Variants in ZNF423 observed in about 807,000 individuals in gnomAD.
The protein encoded by ZNF423 is Ebf-associated zinc finger protein.
Under a neutral mutation model 95.8 loss-of-function variants are expected in ZNF423, and 12 were observed. The ratio of observed to expected loss-of-function variants is 0.13; its 90% CI spans 0.08 to 0.20. The LOEUF (loss-of-function observed/expected upper bound fraction) is 0.20. Ranked by LOEUF, ZNF423 falls within the 10% of genes least tolerant of loss-of-function variation. The pLI is 1.00. For missense variants in ZNF423, 1,316 were observed against 1,737.1 expected (o/e 0.76, Z 4.31); for synonymous variants, 749 against 711.9 (o/e 1.05, Z -0.83).
At chr16:49,606,851 G>A (rs773377196) in intron 5 of ZNF423, among the ~76,000 whole-genome samples, 1 of 152,046 alleles carries the variant, frequency 6.6e-6, no homozygotes, top group Non-Finnish European at 1.5e-5. Flanking sequence ...CCAAGTCTCC[G>A]AGCAGAGAAG....
upstream of ZNF423, among the ~76,000 whole-genome samples, chr16:49,859,165 C>T (rs1022169278): frequency 1.1e-4 from 17 of 152,060 alleles, no homozygotes; most frequent in African/African-American, 3.6e-4. Context: ...TGGAGTCCCA[C>T]GGGGCTGCCC....
intron 3 of ZNF423, among the ~76,000 whole-genome samples, chr16:49,651,955 T>A (rs561997234): frequency 6.6e-6 from 1 of 152,258 alleles, no homozygotes; most frequent in South Asian, 2.1e-4. Context: ...CTGCCAAAAT[T>A]CTCAGAGGGC....
rs189935938 is a variant in ZNF423, at chr16:49,510,515, C to A, written c.3849+13109G>T. On this transcript the variant is annotated intron_variant, in intron 7 of 7. Transcript: ENST00000563137. Reference sequence around the variant, plus strand: ...CCGTGAGTAGCTTCTTACGACCTCACATGAGTGTGTCTCCTTGTTGTAAAT... The same window carrying A: ...CCGTGAGTAGCTTCTTACGACCTCAAATGAGTGTGTCTCCTTGTTGTAAAT... Among the ~76,000 whole-genome samples, 477 of 152,328 alleles carry A rather than the reference C, an allele frequency of 3.1e-3. 2 individuals are homozygous for A. Among genetic ancestry groups the A allele is most frequent in the South Asian group, 0.015 (72 of 4,830 alleles).
At chr16:49,769,029 T>C (rs992583797) in intron 2 of ZNF423, among the ~76,000 whole-genome samples, 3 of 152,176 alleles carry the variant, frequency 2.0e-5, no homozygotes, top group African/African-American at 7.2e-5. Flanking sequence ...CCTTTTCTCA[T>C]GCCCAACATC....
chr16:49,590,883 G>C (rs1970993330), intron 5 of ZNF423, among the ~76,000 whole-genome samples: 1 of 152,230 alleles, frequency 6.6e-6, no homozygotes, highest in South Asian at 2.1e-4. Context: ...CTCCAGAGAA[G>C]GAGGGGAAAG....
upstream of ZNF423, among the ~76,000 whole-genome samples, chr16:49,856,917 A>AGGCGGC (rs71138012): frequency 5.4e-4 from 78 of 144,994 alleles, no homozygotes; most frequent in African/African-American, 1.7e-3. Context: ...GAGGACGAGC[A>AGGCGGC]GGCGGCGGCG....
chr16:49,804,891 C>CT (rs754687457), intron 1 of ZNF423, among the ~76,000 whole-genome samples: 18,747 of 96,098 alleles, frequency 0.2, 2,337 homozygotes, highest in East Asian at 0.28. Context: ...GATCCCACAG[C>CT]TTTTTTTTTT....
At chr16:49,512,219 T>G (rs1967928072) in intron 7 of ZNF423, among the ~76,000 whole-genome samples, 1 of 152,148 alleles carries the variant, frequency 6.6e-6, no homozygotes, top group Non-Finnish European at 1.5e-5. Flanking sequence ...TAGTAAACAC[T>G]TGCAGGCTAG....
chr16:49,567,847 C>G (rs1970239996), intron 5 of ZNF423, among the ~76,000 whole-genome samples: 1 of 152,202 alleles, frequency 6.6e-6, no homozygotes, highest in African/African-American at 2.4e-5. Flanking sequence ...ACAGGGTGGA[C>G]CCAGCTCTAA....
intron 5 of ZNF423, among the ~76,000 whole-genome samples, chr16:49,597,516 G>A (rs370644446): frequency 1.3e-4 from 20 of 152,180 alleles, no homozygotes; most frequent in African/African-American, 1.9e-4. Context: ...TAATTTCACC[G>A]GTTTCCTTTT....
chr16:49,854,630 C>T (rs1034021739), intron 1 of ZNF423: 1 of 985,374 alleles, frequency 1.0e-6, no homozygotes, highest in Non-Finnish European at 1.2e-6. Flanking sequence ...GCCGAGCGCC[C>T]GGGCACCCAA....
At chr16:49,703,099 G>T (rs1252332104) in intron 3 of ZNF423, among the ~76,000 whole-genome samples, 2 of 152,194 alleles carry the variant, frequency 1.3e-5, no homozygotes, top group African/African-American at 4.8e-5. Flanking sequence ...TTCCAATGCT[G>T]GGCCCTCCTC....
At chr16:49,559,707 C>T (rs761534236) in intron 5 of ZNF423, among the ~76,000 whole-genome samples, 1 of 152,188 alleles carries the variant, frequency 6.6e-6, no homozygotes, top group Non-Finnish European at 1.5e-5. Context: ...GAACCAAGGT[C>T]TACTGTCTAC....
intron 3 of ZNF423, among the ~76,000 whole-genome samples, chr16:49,719,062 A>G (rs923095187): frequency 1.3e-5 from 2 of 152,228 alleles, no homozygotes; most frequent in East Asian, 3.8e-4. Flanking sequence ...TCAAATTGGT[A>G]GTAACCGAGA....
intron 5 of ZNF423, among the ~76,000 whole-genome samples, chr16:49,593,620 C>T (rs1284332164): frequency 2.0e-5 from 3 of 152,028 alleles, no homozygotes; most frequent in Non-Finnish European, 4.4e-5. Flanking sequence ...TCTCTGCCTG[C>T]AACCAAGCCA....
chr16:49,557,828 C>T (rs1314876401), intron 5 of ZNF423, among the ~76,000 whole-genome samples: 2 of 152,172 alleles, frequency 1.3e-5, no homozygotes, highest in African/African-American at 4.8e-5. Context: ...CATCCTGAGC[C>T]CCCTTGGTTC....
At chr16:49,792,890 T>C (rs984812989) in intron 1 of ZNF423, among the ~76,000 whole-genome samples, 1 of 152,014 alleles carries the variant, frequency 6.6e-6, no homozygotes, top group Non-Finnish European at 1.5e-5. Flanking sequence ...GCCTCCTGCA[T>C]AGCTAAGACT....
intron 1 of ZNF423, among the ~76,000 whole-genome samples, chr16:49,828,392 G>A (rs948406559): frequency 6.6e-6 from 1 of 152,168 alleles, no homozygotes; most frequent in Admixed American, 6.5e-5. Flanking sequence ...GGCTTTATGC[G>A]AGCAGTTAAT....
chr16:49,761,816 G>A (rs892871155), intron 2 of ZNF423, among the ~76,000 whole-genome samples: 2 of 152,084 alleles, frequency 1.3e-5, no homozygotes, highest in Admixed American at 6.6e-5. Flanking sequence ...ATACATGAAC[G>A]AATCCTTTAA....
Sources: gnomAD v4.1 joint callset for allele counts (sites outside exome capture counted in the v4.1 genomes callset) on GRCh38, gnomAD v4.1.1 for gene constraint, MANE v1.5 for transcripts, NCBI Gene and HGNC (gene_info 2026-07-23, HGNC 2026-07-21) for gene names.